Variants in ATP2B2 observed in about 807,000 individuals in gnomAD.
The protein encoded by ATP2B2 is plasma membrane calcium-transporting ATPase 2.
A neutral mutation model predicts 120.0 loss-of-function variants in ATP2B2; 15 were observed. The ratio of observed to expected loss-of-function variants is 0.12; its 90% CI spans 0.08 to 0.19. The LOEUF (loss-of-function observed/expected upper bound fraction) is 0.19, where lower values mean the gene tolerates loss of function less well. Among genes scored for constraint, ATP2B2 ranks in the 10% least tolerant of loss-of-function variants. The probability of loss-of-function intolerance (pLI) is 1.00; values close to 1 mark genes in which losing one functional copy is unlikely to be tolerated. For synonymous variants in ATP2B2, 694 were observed against 700.3 expected (o/e 0.99, Z 0.14); for missense variants, 1,045 against 1,719.8 (o/e 0.61, Z 6.94).
rs537030453 is a variant in ATP2B2, at chr3:10,647,691, T to C, written c.-459-27730A>G. 3.7e-4 allele frequency among the ~76,000 whole-genome samples: 56 copies of C among 152,272 alleles called. 1 individual carries two copies. In the South Asian group the frequency reaches 0.011, roughly 31 times the overall value. On this transcript the variant is annotated intron_variant, in intron 1 of 21. Transcript: ENST00000646379. ...GGGAAGCCAAGGAGAGGACAGTAGATGTTCCTAGGACAGTGAAGGCATCAA... is the reference window on the plus strand; with the variant it reads ...GGGAAGCCAAGGAGAGGACAGTAGACGTTCCTAGGACAGTGAAGGCATCAA...
intron 5 of ATP2B2, chr3:10,394,642 G>A (rs113365605): frequency 1.5e-4 from 64 of 426,320 alleles, no homozygotes; most frequent in African/African-American, 1.2e-3. Context: ...TGGCAGGTCC[G>A]GCTCTCCCAT....
chr3:10,671,394 A>G (rs1316110763), intron 1 of ATP2B2, among the ~76,000 whole-genome samples: 2 of 152,140 alleles, frequency 1.3e-5, no homozygotes, highest in Non-Finnish European at 2.9e-5. Flanking sequence ...AAAATTCCAC[A>G]TGCACACAGA....
At chr3:10,648,242 C>T (rs909034222) in intron 1 of ATP2B2, among the ~76,000 whole-genome samples, 1 of 152,210 alleles carries the variant, frequency 6.6e-6, no homozygotes, top group Non-Finnish European at 1.5e-5. Flanking sequence ...CTCACCTGCT[C>T]TCAACCTATT....
intron 1 of ATP2B2, among the ~76,000 whole-genome samples, chr3:10,503,523 C>T (rs1026662624): frequency 2.0e-5 from 3 of 152,246 alleles, no homozygotes; most frequent in Non-Finnish European, 4.4e-5. Context: ...CTGTCCTCAT[C>T]GGAAGTCCCT....
intron 14 of ATP2B2, among the ~76,000 whole-genome samples, chr3:10,356,161 T>C (rs1440326691): frequency 1.4e-5 from 2 of 144,144 alleles, no homozygotes; most frequent in African/African-American, 2.6e-5. Context: ...TGTGCGTGTG[T>C]GTGTGTGTGT....
intron 2 of ATP2B2, among the ~76,000 whole-genome samples, chr3:10,590,489 G>A (rs1169676682): frequency 1.3e-5 from 2 of 152,208 alleles, no homozygotes; most frequent in African/African-American, 4.8e-5. Context: ...AGGCTCCAGG[G>A]CCACCTCCTG....
At chr3:10,680,451 G>A (rs982489665) in intron 1 of ATP2B2, among the ~76,000 whole-genome samples, 7 of 152,068 alleles carry the variant, frequency 4.6e-5, no homozygotes, top group African/African-American at 9.7e-5. Context: ...TACAGGGATC[G>A]GGCCAGACTT....
chr3:10,610,015 CTCCT>C (rs1317128005), intron 2 of ATP2B2, among the ~76,000 whole-genome samples: 1 of 151,926 alleles, frequency 6.6e-6, no homozygotes, highest in East Asian at 1.9e-4. Context: ...GGTTCCTTTG[CTCCT>C]TCCTGTTTCT....
rs758406159 is a variant in ATP2B2, at chr3:10,340,382, G to C, written c.3130-33C>G. 15 of 1,613,118 alleles carry C rather than the reference G, an allele frequency of 9.3e-6. No homozygotes were observed. The highest frequency in any genetic ancestry group is 1.3e-5 in the Non-Finnish European group (15 of 1,179,230). On this transcript the variant is annotated intron_variant, in intron 20 of 22. Coordinates refer to ENST00000360273, the MANE Select transcript of ATP2B2 (RefSeq NM_001001331.4). The surrounding 1 kb of genome is among the most constrained non-coding windows in gnomAD (Gnocchi z 5.0). Reference sequence around the variant, plus strand: ...TCACAGGGGAGCAGAGAAAGAGAGAGAGAGAGGCCATCAGGGACCAGCACA... The same window carrying C: ...TCACAGGGGAGCAGAGAAAGAGAGACAGAGAGGCCATCAGGGACCAGCACA...
At chr3:10,485,988 C>T (rs1055108864) in intron 1 of ATP2B2, among the ~76,000 whole-genome samples, 16 of 152,110 alleles carry the variant, frequency 1.1e-4, no homozygotes, top group East Asian at 7.7e-4. Flanking sequence ...GACATGGGGC[C>T]GAGGGGTGGT....
intron 1 of ATP2B2, among the ~76,000 whole-genome samples, chr3:10,681,180 C>T (rs1023038053): frequency 6.6e-6 from 1 of 152,206 alleles, no homozygotes; most frequent in African/African-American, 2.4e-5. Flanking sequence ...GGGAATTAAA[C>T]CTCTTTTCTT....
At chr3:10,651,957 A>G (rs1391601222) in intron 1 of ATP2B2, among the ~76,000 whole-genome samples, 1 of 152,124 alleles carries the variant, frequency 6.6e-6, no homozygotes, top group African/African-American at 2.4e-5. Context: ...AACCTTGTGA[A>G]CTAGAAGAGA....
At chr3:10,464,921 C>T (rs760553969) in intron 1 of ATP2B2, among the ~76,000 whole-genome samples, 1 of 152,250 alleles carries the variant, frequency 6.6e-6, no homozygotes, top group Non-Finnish European at 1.5e-5. Context: ...CAAGGCCAGT[C>T]AGAGGACTCA....
At chr3:10,688,689 G>A (rs1487491153) in intron 1 of ATP2B2, among the ~76,000 whole-genome samples, 1 of 152,136 alleles carries the variant, frequency 6.6e-6, no homozygotes, top group Non-Finnish European at 1.5e-5. Flanking sequence ...GGCCTCCTAT[G>A]GCCAGCGGAT....
At chr3:10,614,015 C>T (rs1383954290) in intron 2 of ATP2B2, among the ~76,000 whole-genome samples, 1 of 152,086 alleles carries the variant, frequency 6.6e-6, no homozygotes, top group South Asian at 2.1e-4. Flanking sequence ...TTCCCTCATT[C>T]CAGCCTGAAA....
At chr3:10,611,628 G>T (rs1306345693) in intron 2 of ATP2B2, among the ~76,000 whole-genome samples, 2 of 152,040 alleles carry the variant, frequency 1.3e-5, no homozygotes, top group Non-Finnish European at 2.9e-5. Context: ...CTTCTTCTCT[G>T]ACTGGGTCCT....
chr3:10,423,951 C>T (rs2063069606), intron 2 of ATP2B2, among the ~76,000 whole-genome samples: 1 of 152,184 alleles, frequency 6.6e-6, no homozygotes, highest in African/African-American at 2.4e-5. Context: ...ATCCCTCTCC[C>T]AATCCCTTTG....
intron 2 of ATP2B2, among the ~76,000 whole-genome samples, chr3:10,585,493 GAAAAAAA>G (rs60670471): frequency 3.2e-4 from 9 of 28,510 alleles, no homozygotes; most frequent in East Asian, 2.6e-3. Flanking sequence ...GACTCCGTCT[GAAAAAAA>G]AAAAAAAAAA....
intron 1 of ATP2B2, among the ~76,000 whole-genome samples, chr3:10,480,227 C>G (rs1046934355): frequency 6.6e-6 from 1 of 152,194 alleles, no homozygotes; most frequent in African/African-American, 2.4e-5. Context: ...AATGCCCAGG[C>G]AGGCCCTCTC....
Sources: allele counts gnomAD v4.1 joint callset (sites outside exome capture counted in the v4.1 genomes callset), GRCh38; gene constraint gnomAD v4.1.1; non-coding constraint Gnocchi (gnomAD v3.1); transcripts MANE v1.5; gene names NCBI Gene and HGNC (gene_info 2026-07-23, HGNC 2026-07-21).